TMOD3: variants seen among roughly 807,000 people sequenced by gnomAD.
TMOD3 encodes the protein tropomodulin 3.
A neutral mutation model predicts 39.2 loss-of-function variants in TMOD3; 20 were observed. The ratio of observed to expected loss-of-function variants is 0.51; its 90% CI spans 0.36 to 0.74. TMOD3 has a LOEUF of 0.74. TMOD3 is among the 30% of genes least tolerant of loss of function. TMOD3 has a pLI of 0.00. For synonymous variants in TMOD3, 143 were observed against 145.8 expected, an observed-to-expected ratio of 0.98 and a Z score of 0.14; for missense variants, 381 against 412.8, an observed-to-expected ratio of 0.92 and a Z score of 0.67.
At chr15:51,904,162 C>A (rs1489933492) in intron 9 of TMOD3, among the ~76,000 whole-genome samples, 2 of 152,246 alleles carry the variant, frequency 1.3e-5, no homozygotes, top group Non-Finnish European at 2.9e-5. Context: ...ATTTGAGTTT[C>A]TGAGTTCATC....
rs185064838 is a variant in TMOD3 at position 51,846,692 on chromosome 15, T to A, written c.-74-16119T>A. Among the ~76,000 whole-genome samples, 212 of 152,318 alleles carry A rather than the reference T, an allele frequency of 1.4e-3. 11 individuals are homozygous for A. The highest frequency in any genetic ancestry group is 9.4e-3 in the East Asian group (49 of 5,190). On this transcript the variant is annotated intron_variant, in intron 1 of 9. Transcript: ENST00000308580. ...GTAAGCCACTTCATATCATATTTGG[T>A]TTTGTTCACAGTAGGACTGGTAGAA...
chr15:51,889,279 T>C, intron 5 of TMOD3, 134 bp downstream of exon 5: 1 of 606,342 alleles, frequency 1.6e-6, no homozygotes, highest in South Asian at 2.1e-5. Flanking sequence ...AGTTTGGTGG[T>C]ATTAACCAAG....
chr15:51,869,808 A>T lies in TMOD3; in HGVS notation c.283+435A>T, dbSNP rs554623123. 2.6e-5 allele frequency among the ~76,000 whole-genome samples: 4 copies of T among 152,314 alleles called. No homozygotes were observed. The South Asian group carries it at 8.3e-4, about 32-fold the overall frequency. ...ATTCTATACCCATCATTATTAATTCATGGTTATGATTGCTAATGCTTCATA... is the reference window on the plus strand; with the variant it reads ...ATTCTATACCCATCATTATTAATTCTTGGTTATGATTGCTAATGCTTCATA... On this transcript the variant is annotated intron_variant, in intron 3 of 9. Transcript: ENST00000308580.
At chr15:51,837,537 G>A (rs1236379745) in intron 1 of TMOD3, among the ~76,000 whole-genome samples, 1 of 151,306 alleles carries the variant, frequency 6.6e-6, no homozygotes, top group Non-Finnish European at 1.5e-5. Flanking sequence ...TCAAAGTCAT[G>A]CCCACCCCAC....
intron 1 of TMOD3, among the ~76,000 whole-genome samples, chr15:51,836,126 A>G (rs930823043): frequency 3.9e-5 from 6 of 152,196 alleles, no homozygotes; most frequent in East Asian, 1.9e-4. Context: ...TCTCTAACAT[A>G]TAACAGCTTT....
chr15:51,839,288 G>C (rs545335539), intron 1 of TMOD3, among the ~76,000 whole-genome samples: 1 of 151,290 alleles, frequency 6.6e-6, no homozygotes, highest in South Asian at 2.1e-4. Context: ...TCCCACCTTA[G>C]CTGCCCAAGT....
rs2056453044 is a variant in TMOD3, at chr15:51,867,520, A to G, written c.127-1697A>G. On this transcript the variant is annotated intron_variant, in intron 2 of 9. Coordinates refer to ENST00000308580, the MANE Select transcript of TMOD3 (RefSeq NM_014547.5). ...TACATAAAGGGTAACACAGAAGTGA[A>G]TTTTATGAAAATTATTATGTGTCTC... is the stretch of plus-strand genomic sequence containing the variant. Among the ~76,000 whole-genome samples, 4 of 152,202 alleles carry G rather than the reference A, an allele frequency of 2.6e-5. No individual in the cohort carries two copies. The South Asian group carries it at 8.3e-4, about 32-fold the overall frequency.
intron 9 of TMOD3, among the ~76,000 whole-genome samples, 158 bp from the exon 10 acceptor site, chr15:51,908,618 T>G (rs542639623): frequency 1.3e-5 from 2 of 152,094 alleles, no homozygotes; most frequent in East Asian, 1.9e-4. Context: ...GGTTGTTTTT[T>G]TTTTTTTTTT....
intron 1 of TMOD3, chr15:51,859,763 A>G: frequency 4.1e-6 from 2 of 492,776 alleles, no homozygotes; most frequent in Non-Finnish European, 8.2e-6. Context: ...CATCTGCCAC[A>G]TTGTCCCAGA....
chr15:51,833,238 A>G (rs755243123), intron 1 of TMOD3: 8 of 152,228 alleles, frequency 5.3e-5, no homozygotes, highest in African/African-American at 1.2e-4. Flanking sequence ...ATTTACAATG[A>G]TCAAAGAATA....
chr15:51,853,240 C>T (rs1270107002), intron 1 of TMOD3, among the ~76,000 whole-genome samples: 5 of 152,162 alleles, frequency 3.3e-5, no homozygotes, highest in African/African-American at 1.2e-4. Context: ...CTCACTCTGT[C>T]ACCCAGGCTG....
In TMOD3 at chr15:51,900,221, A is replaced by T; in HGVS notation, c.802A>T (p.Thr268Ser). Residue 268 changes from threonine (T) to serine (S), a missense_variant, in exon 8 of 10, where the codon ACG becomes TCG. Coordinates refer to ENST00000308580, the MANE Select transcript of TMOD3 (RefSeq NM_014547.5). ...KSLNVESNFI[T>S]GVGILALIDA... ...CTTAAATGTGGAGTCCAACTTTATCACGGGAGTTGGGATTCTGGCACTGAT... is the reference window on the plus strand; with the variant it reads ...CTTAAATGTGGAGTCCAACTTTATCTCGGGAGTTGGGATTCTGGCACTGAT... The T allele has an allele frequency of 6.2e-7, 1 of 1,614,174 alleles. No individual in the cohort carries two copies. The highest frequency in any genetic ancestry group is 8.5e-7 in the Non-Finnish European group (1 of 1,180,002).
intron 1 of TMOD3, among the ~76,000 whole-genome samples, chr15:51,842,078 G>T (rs2056315378): frequency 6.6e-6 from 1 of 152,070 alleles, no homozygotes; most frequent in South Asian, 2.1e-4. Context: ...GCCTGGCCTG[G>T]TTTGACTTTT....
chr15:51,909,755 G>T lies in TMOD3; in HGVS notation c.*945G>T, dbSNP rs895593384. Reference sequence around the variant, plus strand: ...TTAAACTGATGGTTACTGTAAGTCAGTTGGAAGCTGGCATGTATGTAAATT... The same window carrying T: ...TTAAACTGATGGTTACTGTAAGTCATTTGGAAGCTGGCATGTATGTAAATT... On this transcript the variant is annotated 3_prime_UTR_variant, in exon 10 of 10. Transcript: ENST00000308580. 13 of 152,210 alleles carry T rather than the reference G, an allele frequency of 8.5e-5. No homozygotes were observed. Among genetic ancestry groups the T allele is most frequent in the African/African-American group, 3.1e-4 (13 of 41,454 alleles). The allele number at this position is 152,210 out of a possible 1,614,324, so 9.4% of individuals were successfully genotyped here. A position where few individuals can be genotyped will look rare whatever the true frequency, so the allele number is the denominator to read the frequency against.
At chr15:51,849,809 C>G (rs1037280457) in intron 1 of TMOD3, among the ~76,000 whole-genome samples, 1 of 152,092 alleles carries the variant, frequency 6.6e-6, no homozygotes, top group South Asian at 2.1e-4. Context: ...TGGCTCACAC[C>G]TGTAATCCCA....
At chr15:51,854,358 A>G (rs1224734664) in intron 1 of TMOD3, among the ~76,000 whole-genome samples, 2 of 152,242 alleles carry the variant, frequency 1.3e-5, no homozygotes, top group African/African-American at 4.8e-5. Context: ...TAGTTTGCCT[A>G]ACCCTGTTGT....
intron 1 of TMOD3, among the ~76,000 whole-genome samples, chr15:51,846,785 G>A (rs146486785): frequency 3.2e-4 from 48 of 152,132 alleles, no homozygotes; most frequent in Admixed American, 2.9e-3. Flanking sequence ...AGACTTGTTC[G>A]TATGATGTCA....
chr15:51,836,731 AAAAAAGAAAAAAG>A (rs1288358530), intron 1 of TMOD3, among the ~76,000 whole-genome samples: 1 of 49,844 alleles, frequency 2.0e-5, no homozygotes, highest in Non-Finnish European at 4.2e-5. Context: ...CTCAAAAAAA[AAAAAAGAAAAAAG>A]AAAAAAGAAA....
At chr15:51,906,333 T>G (rs1291223180) in intron 9 of TMOD3, among the ~76,000 whole-genome samples, 3 of 152,254 alleles carry the variant, frequency 2.0e-5, no homozygotes, top group Non-Finnish European at 4.4e-5. Flanking sequence ...CAGAATCTCC[T>G]GGGCATATAG....
Sources: allele counts gnomAD v4.1 joint callset (sites outside exome capture counted in the v4.1 genomes callset), GRCh38; gene constraint gnomAD v4.1.1; transcripts MANE v1.5; gene names NCBI Gene and HGNC (gene_info 2026-07-23, HGNC 2026-07-21).